Variants in AUTS2 observed in about 807,000 individuals in gnomAD.
AUTS2 encodes autism susceptibility gene 2 protein.
A neutral mutation model predicts 112.4 loss-of-function variants in AUTS2; 17 were observed. The observed-to-expected ratio is 0.15, with a 90% confidence interval of 0.10 to 0.23. AUTS2 has a LOEUF of 0.23. Among genes scored for constraint, AUTS2 ranks in the 10% least tolerant of loss-of-function variants. The pLI is 1.00. For missense variants in AUTS2, 1,510 were observed against 1,701.6 expected (o/e 0.89, Z 1.98); for synonymous variants, 751 against 702.7 (o/e 1.07, Z -1.09).
At chr7:69,967,557 G>T (rs1423131105) in intron 2 of AUTS2, among the ~76,000 whole-genome samples, 1 of 152,080 alleles carries the variant, frequency 6.6e-6, no homozygotes, top group African/African-American at 2.4e-5. Flanking sequence ...GGGGAAGGGG[G>T]CCAGGTTTGA....
Position 69,788,788 on chromosome 7 carries a change from C to T in AUTS2, c.310-110498C>T, listed in dbSNP as rs62457241. ...GCAAAATTAAAAAAAAAAAAAGACA[C>T]TTCTATGCCCCTTAAAAAAAGAATA... is the stretch of plus-strand genomic sequence containing the variant. On this transcript the variant is annotated intron_variant, in intron 1 of 18. Transcript: ENST00000342771. 1.9e-3 allele frequency among the ~76,000 whole-genome samples: 285 copies of T among 150,802 alleles called. 1 individual carries two copies. The highest frequency in any genetic ancestry group is 2.9e-3 in the Non-Finnish European group (195 of 67,804).
At chr7:70,671,173 G>GACTCCGTCTCAAAAAACAAACAAACAAAA (rs554531787) in intron 5 of AUTS2, among the ~76,000 whole-genome samples, 3,345 of 152,178 alleles carry the variant, frequency 0.022, 52 homozygotes, top group Non-Finnish European at 0.035. Flanking sequence ...GACAGAGCGA[G>GACTCCGTCTCAAAAAACAAACAAACAAAA]ACTCCGTCTC....
intron 2 of AUTS2, among the ~76,000 whole-genome samples, chr7:69,937,592 G>T (rs1341858179): frequency 2.0e-5 from 3 of 152,182 alleles, no homozygotes; most frequent in African/African-American, 7.2e-5. Flanking sequence ...GTCTCTGGGG[G>T]TATGTGAGTA....
intron 2 of AUTS2, among the ~76,000 whole-genome samples, chr7:70,057,262 A>T (rs953834017): frequency 6.6e-6 from 1 of 152,092 alleles, no homozygotes; most frequent in East Asian, 1.9e-4. Flanking sequence ...TTGTCATTCT[A>T]TCACATGCCG....
At chr7:70,015,465 T>C (rs1799985502) in intron 2 of AUTS2, among the ~76,000 whole-genome samples, 1 of 152,238 alleles carries the variant, frequency 6.6e-6, no homozygotes, top group Non-Finnish European at 1.5e-5. Flanking sequence ...TGTGTCTAAA[T>C]TCTGAGCTTA....
intron 4 of AUTS2, among the ~76,000 whole-genome samples, chr7:70,274,267 A>G (rs1461129887): frequency 6.6e-6 from 1 of 151,822 alleles, no homozygotes; most frequent in African/African-American, 2.4e-5. Context: ...CTTCCCTTAA[A>G]AGGGCTTCTT....
intron 1 of AUTS2, among the ~76,000 whole-genome samples, chr7:69,679,581 CTCTG>C (rs751201411): frequency 2.0e-5 from 3 of 152,114 alleles, no homozygotes; most frequent in Non-Finnish European, 4.4e-5. Context: ...AAAAAAATAA[CTCTG>C]TCTGCATTGA....
chr7:70,090,346 A>G (rs1803847877), intron 2 of AUTS2, among the ~76,000 whole-genome samples: 1 of 151,956 alleles, frequency 6.6e-6, no homozygotes. Context: ...TTGTTCTTTG[A>G]AGAAACTTAC....
intron 4 of AUTS2, among the ~76,000 whole-genome samples, chr7:70,243,231 T>TTGTGTGTGTG (rs3078161): frequency 1.2e-4 from 16 of 131,664 alleles, no homozygotes; most frequent in East Asian, 6.7e-4. Context: ...GAATGTATCC[T>TTGTGTGTGTG]TGTGTGTGTG....
intron 4 of AUTS2, among the ~76,000 whole-genome samples, chr7:70,297,462 G>A (rs922427045): frequency 2.0e-4 from 29 of 147,178 alleles, no homozygotes; most frequent in African/African-American, 4.3e-4. Context: ...ACAGAGTCTC[G>A]CTCTGTCACC....
chr7:70,793,116 T>A lies in AUTS2; in HGVS notation c.*2120T>A, dbSNP rs1792072088. 1 of 152,300 alleles carries A rather than the reference T, an allele frequency of 6.6e-6. No individual in the cohort carries two copies. Among genetic ancestry groups the A allele is most frequent in the East Asian group, 1.9e-4 (1 of 5,172 alleles). The allele number at this position is 152,300 out of a possible 1,614,324, so 9.4% of individuals were successfully genotyped here. On this transcript the variant is annotated 3_prime_UTR_variant, in exon 19 of 19. Coordinates refer to ENST00000342771, the MANE Select transcript of AUTS2 (RefSeq NM_015570.4). ...TTTGAGGAGGGGGGGTTCTGTTAGT[T>A]TTTCGTATGTCCAAGATACTGTAAA...
chr7:69,895,527 C>CCT (rs201462873), intron 1 of AUTS2, among the ~76,000 whole-genome samples: 1 of 149,852 alleles, frequency 6.7e-6, no homozygotes, highest in Non-Finnish European at 1.5e-5. Flanking sequence ...ACACTTTGAT[C>CCT]CTCTCTCTCT....
At chr7:70,140,940 C>T (rs554685825) in intron 4 of AUTS2, among the ~76,000 whole-genome samples, 2 of 152,080 alleles carry the variant, frequency 1.3e-5, no homozygotes, top group Non-Finnish European at 2.9e-5. Context: ...AGTTGCATAA[C>T]GTGTAAGCAT....
rs67326941 is a variant in AUTS2, at chr7:70,712,193, C to CTTTTTTTT, written c.742+13600_742+13607dup. ...GGCACAAGCCACCATGCCTGGCTCA[C>CTTTTTTTT]TTTTTTTTTTTTTTTTTTTTTTTTT... On this transcript the variant is annotated intron_variant, in intron 6 of 18. Coordinates refer to ENST00000342771, the MANE Select transcript of AUTS2 (RefSeq NM_015570.4). 8.9e-5 allele frequency among the ~76,000 whole-genome samples: 4 copies of CTTTTTTTT among 45,084 alleles called. 2 individuals are homozygous for CTTTTTTTT. The highest frequency in any genetic ancestry group is 3.9e-4 in the African/African-American group (4 of 10,140). The allele number at this position is 45,084 out of a possible 152,430, so 29.6% of individuals were successfully genotyped here.
intron 5 of AUTS2, among the ~76,000 whole-genome samples, chr7:70,612,379 G>T (rs1415495970): frequency 1.3e-5 from 2 of 152,148 alleles, no homozygotes; most frequent in South Asian, 2.1e-4. Flanking sequence ...AGCTGTGGTT[G>T]CTCAAACCTC....
intron 5 of AUTS2, among the ~76,000 whole-genome samples, chr7:70,568,536 GA>G (rs138244889): frequency 0.01 from 1,539 of 151,436 alleles, 27 homozygotes; most frequent in African/African-American, 0.034. Context: ...CACTTTGGGG[GA>G]AAAAAAAATC....
intron 1 of AUTS2, among the ~76,000 whole-genome samples, chr7:69,785,307 AGT>A (rs1189452481): frequency 6.6e-6 from 1 of 152,214 alleles, no homozygotes; most frequent in Non-Finnish European, 1.5e-5. Flanking sequence ...GCTAGATTAG[AGT>A]TCACCATCAC....
At chr7:69,706,235 A>G (rs928687611) in intron 1 of AUTS2, among the ~76,000 whole-genome samples, 1 of 152,126 alleles carries the variant, frequency 6.6e-6, no homozygotes, top group Non-Finnish European at 1.5e-5. Flanking sequence ...GGCTGAAGCT[A>G]TTGGTGGAAA....
chr7:69,972,030 A>G (rs1183395609), intron 2 of AUTS2, among the ~76,000 whole-genome samples: 1 of 152,138 alleles, frequency 6.6e-6, no homozygotes, highest in Admixed American at 6.5e-5. Context: ...TGACTCTACT[A>G]TTGCATATTC....
Sources: allele counts gnomAD v4.1 joint callset (sites outside exome capture counted in the v4.1 genomes callset), GRCh38; gene constraint gnomAD v4.1.1; transcripts MANE v1.5; gene names NCBI Gene and HGNC (gene_info 2026-07-23, HGNC 2026-07-21).